Variants in PAK5 observed in about 807,000 individuals in gnomAD.
PAK5 encodes serine/threonine-protein kinase PAK 5.
Under a neutral mutation model 65.9 loss-of-function variants are expected in PAK5, and 16 were observed. The ratio of observed to expected loss-of-function variants is 0.24; its 90% confidence interval spans 0.16 to 0.37. PAK5 has a LOEUF of 0.37. PAK5 is among the 10% of genes least tolerant of loss of function. The probability of loss-of-function intolerance (pLI) is 1.00; values close to 1 mark genes in which losing one functional copy is unlikely to be tolerated. For missense variants in PAK5, 785 were observed against 903.9 expected, an observed-to-expected ratio of 0.87 and a Z score of 1.69; for synonymous variants, 371 against 354.9, an observed-to-expected ratio of 1.05 and a Z score of -0.51.
At chr20:9,813,719 G>C (rs965744821) in intron 1 of PAK5, among the ~76,000 whole-genome samples, 1 of 152,122 alleles carries the variant, frequency 6.6e-6, no homozygotes. Context: ...CATAGTGAAT[G>C]AAAGAAGCCA....
intron 4 of PAK5, among the ~76,000 whole-genome samples, chr20:9,578,031 A>C (rs776875188): frequency 6.6e-6 from 1 of 152,190 alleles, no homozygotes; most frequent in Admixed American, 6.5e-5. Context: ...CTTAGACGAA[A>C]GTTCTGGTGG....
chr20:9,835,964 CATCAACAA>C (rs1979115952), intron 1 of PAK5, among the ~76,000 whole-genome samples: 1 of 152,122 alleles, frequency 6.6e-6, no homozygotes, highest in African/African-American at 2.4e-5. Flanking sequence ...TGGAAGGCAA[CATCAACAA>C]ATCAACTGGG....
intron 3 of PAK5, among the ~76,000 whole-genome samples, chr20:9,630,481 T>A (rs1383135961): frequency 6.6e-6 from 1 of 152,212 alleles, no homozygotes; most frequent in Admixed American, 6.5e-5. Flanking sequence ...TATCTGTGGA[T>A]GTGGCATCAC....
At chr20:9,656,379 G>A (rs2047268592) in intron 2 of PAK5, among the ~76,000 whole-genome samples, 9 of 152,076 alleles carry the variant, frequency 5.9e-5, no homozygotes, top group Admixed American at 5.2e-4. Context: ...CATGTGACAG[G>A]AATGCATCCC....
intron 1 of PAK5, among the ~76,000 whole-genome samples, chr20:9,759,961 T>A (rs182765213): frequency 1.6e-4 from 25 of 152,318 alleles, no homozygotes; most frequent in African/African-American, 5.8e-4. Flanking sequence ...AATACAGCTT[T>A]GAGCTGCAAA....
intron 5 of PAK5, among the ~76,000 whole-genome samples, chr20:9,565,474 G>A (rs1033129979): frequency 3.9e-5 from 6 of 152,172 alleles, no homozygotes; most frequent in Non-Finnish European, 5.9e-5. Flanking sequence ...TCATAGTAGT[G>A]TAAAATATAT....
rs534988370 is a variant in PAK5 at position 9,696,807 on chromosome 20, A to G, written c.-12+14479T>C. ...ATTTTTTTAATTTTCATTTTTGTGG[A>G]TTAGAATATACAATCTGGGAAGATC... On this transcript the variant is annotated intron_variant, in intron 2 of 9. Coordinates refer to ENST00000353224, the MANE Select transcript of PAK5 (RefSeq NM_177990.4). Among the ~76,000 whole-genome samples, 7 of 152,158 alleles carry G rather than the reference A, an allele frequency of 4.6e-5. No individual in the cohort carries two copies. In the South Asian group the frequency reaches 1.5e-3, roughly 32 times the overall value.
At chr20:9,643,385 A>G (rs2123273383) in intron 3 of PAK5, among the ~76,000 whole-genome samples, 1 of 152,336 alleles carries the variant, frequency 6.6e-6, no homozygotes, top group Middle Eastern at 3.4e-3. Flanking sequence ...AACTTGGCAT[A>G]ACTGAAATCT....
intron 4 of PAK5, among the ~76,000 whole-genome samples, chr20:9,573,724 G>C (rs920971463): frequency 6.6e-6 from 1 of 152,160 alleles, no homozygotes; most frequent in Non-Finnish European, 1.5e-5. Flanking sequence ...GAGGGCAGGG[G>C]GGCCGTGGCT....
intron 3 of PAK5, among the ~76,000 whole-genome samples, chr20:9,603,110 A>G (rs1179585882): frequency 6.6e-6 from 1 of 152,192 alleles, no homozygotes; most frequent in Admixed American, 6.5e-5. Flanking sequence ...AGCTGGAAGG[A>G]ATGGTGCCCT....
intron 3 of PAK5, among the ~76,000 whole-genome samples, chr20:9,597,995 C>T (rs906011599): frequency 2.6e-5 from 4 of 152,166 alleles, no homozygotes; most frequent in Non-Finnish European, 5.9e-5. Flanking sequence ...ATGTGGAGGA[C>T]GTGCAGTTTT....
intron 1 of PAK5, among the ~76,000 whole-genome samples, chr20:9,835,175 A>T (rs1979047165): frequency 1.3e-5 from 2 of 152,236 alleles, no homozygotes; most frequent in African/African-American, 4.8e-5. Context: ...TCCTTCACTC[A>T]TTCACCAAAA....
At chr20:9,588,067 G>T (rs78254640) in intron 3 of PAK5, among the ~76,000 whole-genome samples, 1 of 152,120 alleles carries the variant, frequency 6.6e-6, no homozygotes, top group African/African-American at 2.4e-5. Flanking sequence ...TAACCAAAAC[G>T]ATGACTTCCA....
At chr20:9,805,369 G>A (rs2049219178) in intron 1 of PAK5, among the ~76,000 whole-genome samples, 1 of 151,998 alleles carries the variant, frequency 6.6e-6, no homozygotes. Flanking sequence ...CCACTTAAAG[G>A]TATATACTCA....
intron 3 of PAK5, among the ~76,000 whole-genome samples, chr20:9,639,925 T>C (rs558080660): frequency 6.6e-6 from 1 of 152,334 alleles, no homozygotes; most frequent in East Asian, 1.9e-4. Context: ...CTTTCTTTGC[T>C]CTCAAACAGG....
intron 2 of PAK5, among the ~76,000 whole-genome samples, chr20:9,667,063 G>A (rs148692519): frequency 2.5e-3 from 387 of 152,272 alleles, no homozygotes; most frequent in African/African-American, 8.8e-3. Context: ...GATCACTTGA[G>A]GTCAGGAGTT....
intron 2 of PAK5, among the ~76,000 whole-genome samples, chr20:9,709,879 C>A (rs1375694780): frequency 1.3e-5 from 2 of 152,250 alleles, no homozygotes; most frequent in Middle Eastern, 3.4e-3. Flanking sequence ...GCATACATTT[C>A]TTTTCCTCTC....
At chr20:9,774,982 A>C (rs2048872685) in intron 1 of PAK5, among the ~76,000 whole-genome samples, 1 of 152,072 alleles carries the variant, frequency 6.6e-6, no homozygotes, top group Admixed American at 6.6e-5. Flanking sequence ...ACAAACAAAA[A>C]ACTACTCACA....
intron 3 of PAK5, among the ~76,000 whole-genome samples, chr20:9,606,719 G>A (rs187531310): frequency 1.3e-5 from 2 of 152,320 alleles, no homozygotes; most frequent in East Asian, 1.9e-4. Context: ...ATCTGCTGGG[G>A]TGGGTCTATA....
Sources: allele counts gnomAD v4.1 joint callset (sites outside exome capture counted in the v4.1 genomes callset), GRCh38; gene constraint gnomAD v4.1.1; transcripts MANE v1.5; gene names NCBI Gene and HGNC (gene_info 2026-07-23, HGNC 2026-07-21).